The following KPNA4 variants were observed in gnomAD, a reference collection of about 807,000 sequenced individuals.
KPNA4 encodes the protein karyopherin subunit alpha 4.
A neutral mutation model predicts 71.3 loss-of-function variants in KPNA4; 13 were observed. The ratio of observed to expected loss-of-function variants is 0.18; its 90% confidence interval spans 0.12 to 0.29. The LOEUF is 0.29. Ranked by LOEUF, KPNA4 falls within the 10% of genes least tolerant of loss-of-function variation. The pLI is 1.00. For synonymous variants in KPNA4, 189 were observed against 195.2 expected (o/e 0.97, Z 0.26); for missense variants, 334 against 603.2 (o/e 0.55, Z 4.67).
chr3:160,518,678 G>A (rs1368718666), intron 11 of KPNA4, among the ~76,000 whole-genome samples: 2 of 151,586 alleles, frequency 1.3e-5, no homozygotes, highest in African/African-American at 4.8e-5. Flanking sequence ...TGGCCAACAC[G>A]GTGAAACCCT....
chr3:160,514,862 T>C (rs1202843672), intron 12 of KPNA4: 3 of 448,092 alleles, frequency 6.7e-6, no homozygotes, highest in Non-Finnish European at 1.3e-5. Context: ...CTAATAAGTT[T>C]TACTCTAAAA....
chr3:160,504,922 A>G (rs780265297), intron 16 of KPNA4, 36 bp downstream of exon 16: 1 of 970,832 alleles, frequency 1.0e-6, no homozygotes, highest in South Asian at 2.0e-5. Flanking sequence ...CTATGTTTAT[A>G]TATAAAATTA....
chr3:160,509,222 T>C (rs969838306), intron 14 of KPNA4, among the ~76,000 whole-genome samples: 3 of 152,218 alleles, frequency 2.0e-5, no homozygotes, highest in Non-Finnish European at 2.9e-5. Context: ...CTCACCCTAG[T>C]TCCTAAGTCC....
At chr3:160,557,863 G>T (rs1387963559) in intron 1 of KPNA4, among the ~76,000 whole-genome samples, 3 of 151,676 alleles carry the variant, frequency 2.0e-5, no homozygotes. Flanking sequence ...TTATTTTTTT[G>T]TAGAGACAAG....
At chr3:160,538,997 G>C (rs1260478078) in intron 1 of KPNA4, among the ~76,000 whole-genome samples, 1 of 152,146 alleles carries the variant, frequency 6.6e-6, no homozygotes, top group African/African-American at 2.4e-5. Context: ...AATATGTAAA[G>C]TACTTAAACT....
At chr3:160,524,154 A>G (rs1165343847) in intron 10 of KPNA4, among the ~76,000 whole-genome samples, 1 of 152,214 alleles carries the variant, frequency 6.6e-6, no homozygotes, top group Non-Finnish European at 1.5e-5. Context: ...GAACAATGTA[A>G]ACAGGCTTGA....
chr3:160,509,915 G>A (rs371913461), intron 13 of KPNA4, 44 bp from the exon 14 acceptor site: 114 of 1,232,852 alleles, frequency 9.2e-5, no homozygotes, highest in Non-Finnish European at 6.4e-5. Context: ...GCCACATAGA[G>A]TAAACTGGAA....
At chr3:160,548,755 G>C (rs987345752) in intron 1 of KPNA4, among the ~76,000 whole-genome samples, 1 of 152,116 alleles carries the variant, frequency 6.6e-6, no homozygotes, top group Non-Finnish European at 1.5e-5. Context: ...CTATAAACTA[G>C]AGTGTACAAG....
Position 160,498,323 on chromosome 3 carries a change from G to C in KPNA4, c.*3781C>G, listed in dbSNP as rs1421641889. The C allele has an allele frequency of 2.0e-5, 3 of 152,218 alleles. No homozygotes were observed. Among genetic ancestry groups the C allele is most frequent in the African/African-American group, 7.2e-5 (3 of 41,468 alleles). The allele number at this position is 152,218 out of a possible 1,614,324, so 9.4% of individuals were successfully genotyped here. A position where few individuals can be genotyped will look rare whatever the true frequency, so the allele number is the denominator to read the frequency against. Reference sequence around the variant, plus strand: ...TGATAACTATATAAGGCTATCACTTGTAAATTGTTCCAGTTCTAAATAGTT... The same window carrying C: ...TGATAACTATATAAGGCTATCACTTCTAAATTGTTCCAGTTCTAAATAGTT... On this transcript the variant is annotated 3_prime_UTR_variant, in exon 17 of 17. Coordinates refer to ENST00000334256, the MANE Select transcript of KPNA4 (RefSeq NM_002268.5).
chr3:160,523,111 C>T (rs1721387841), intron 10 of KPNA4, among the ~76,000 whole-genome samples: 1 of 152,206 alleles, frequency 6.6e-6, no homozygotes, highest in Non-Finnish European at 1.5e-5. Context: ...CCTAAAACTA[C>T]TTCCAAAGCC....
intron 1 of KPNA4, among the ~76,000 whole-genome samples, chr3:160,562,433 T>C (rs866904707): frequency 6.6e-6 from 1 of 152,192 alleles, no homozygotes; most frequent in Non-Finnish European, 1.5e-5. Context: ...TTTGCTGTAT[T>C]CTACAGACAT....
At chr3:160,544,742 T>C (rs1302304688) in intron 1 of KPNA4, among the ~76,000 whole-genome samples, 3 of 152,198 alleles carry the variant, frequency 2.0e-5, no homozygotes, top group Non-Finnish European at 2.9e-5. Flanking sequence ...GCTTTTATAT[T>C]ACTGCTTGAA....
intron 1 of KPNA4, among the ~76,000 whole-genome samples, chr3:160,549,901 A>G (rs1164640214): frequency 6.6e-6 from 1 of 152,048 alleles, no homozygotes; most frequent in Non-Finnish European, 1.5e-5. Flanking sequence ...ATTGTTTTCC[A>G]TTTGTGTTTC....
chr3:160,559,156 T>A (rs553992747), intron 1 of KPNA4, among the ~76,000 whole-genome samples: 1 of 152,152 alleles, frequency 6.6e-6, no homozygotes, highest in East Asian at 1.9e-4. Context: ...GACTTAATGG[T>A]TGGAAGATGT....
chr3:160,559,964 G>A (rs1182058938), intron 1 of KPNA4, among the ~76,000 whole-genome samples: 1 of 152,058 alleles, frequency 6.6e-6, no homozygotes, highest in Non-Finnish European at 1.5e-5. Flanking sequence ...CTCCAACCCT[G>A]TCTTTTACCA....
At chr3:160,541,809 A>G (rs1577059288) in intron 1 of KPNA4, among the ~76,000 whole-genome samples, 1 of 152,262 alleles carries the variant, frequency 6.6e-6, no homozygotes. Flanking sequence ...CAGACACTGC[A>G]TATCTATGCC....
intron 16 of KPNA4, 108 bp downstream of exon 16, chr3:160,504,850 C>T: frequency 2.4e-6 from 1 of 420,422 alleles, no homozygotes; most frequent in East Asian, 3.9e-5. Flanking sequence ...TATTTTAATT[C>T]CATTCCAAAC....
intron 1 of KPNA4, among the ~76,000 whole-genome samples, chr3:160,558,597 G>C (rs1448070060): frequency 6.6e-6 from 1 of 152,156 alleles, no homozygotes; most frequent in Non-Finnish European, 1.5e-5. Context: ...TTAAGAGCCT[G>C]TATTAATTAA....
intron 11 of KPNA4, among the ~76,000 whole-genome samples, chr3:160,516,121 G>C (rs1024876610): frequency 5.4e-4 from 82 of 152,096 alleles, no homozygotes; most frequent in African/African-American, 1.8e-3. Flanking sequence ...TGAGCAGCTG[G>C]GATTACAGGC....
Sources: allele counts gnomAD v4.1 joint callset (sites outside exome capture counted in the v4.1 genomes callset), GRCh38; gene constraint gnomAD v4.1.1; transcripts MANE v1.5; gene names NCBI Gene and HGNC (gene_info 2026-07-23, HGNC 2026-07-21).